Variants in COL5A2 observed in about 807,000 individuals in gnomAD.
COL5A2 encodes the protein collagen type V alpha 2 chain.
COL5A2 carries 23 observed loss-of-function variants against 208.2 expected under a neutral mutation model. The observed-to-expected ratio is 0.11, with a 90% confidence interval of 0.08 to 0.16. The LOEUF (loss-of-function observed/expected upper bound fraction) is 0.16. Ranked by LOEUF, COL5A2 falls within the 10% of genes least tolerant of loss-of-function variation. The pLI is 1.00. For missense variants in COL5A2, 1,590 were observed against 1,956.4 expected, an observed-to-expected ratio of 0.81 and a Z score of 3.53; for synonymous variants, 625 against 628.5, an observed-to-expected ratio of 0.99 and a Z score of 0.08.
the COL5A2 span, among the ~76,000 whole-genome samples, chr2:189,234,609 A>G: frequency 2.6e-5 from 4 of 151,960 alleles, no homozygotes; most frequent in Admixed American, 6.6e-5. Flanking sequence ...AAAATTCAGT[A>G]GAGGATGCCT....
At chr2:189,252,270 C>T in the COL5A2 span, among the ~76,000 whole-genome samples, 1 of 152,036 alleles carries the variant, frequency 6.6e-6, no homozygotes, top group African/African-American at 2.4e-5. Flanking sequence ...GGGTATATAC[C>T]CAAAGGATTA....
chr2:189,128,973 A>G (rs183937179), intron 1 of COL5A2, among the ~76,000 whole-genome samples: 10 of 151,958 alleles, frequency 6.6e-5, no homozygotes, highest in African/African-American at 1.7e-4. Context: ...GCTTTAATCA[A>G]TTAGGACTCT....
At chr2:189,327,071 G>A in the COL5A2 span, among the ~76,000 whole-genome samples, 11 of 131,814 alleles carry the variant, frequency 8.3e-5, no homozygotes, top group East Asian at 1.6e-3. Flanking sequence ...ATTCTGTCTC[G>A]AAATAATAAT....
the COL5A2 span, among the ~76,000 whole-genome samples, chr2:189,325,823 G>A: frequency 3.3e-5 from 5 of 152,226 alleles, no homozygotes; most frequent in East Asian, 1.9e-4. Flanking sequence ...AAGGCCAGGC[G>A]CAGTGGCTCA....
chr2:189,259,225 A>C, the COL5A2 span, among the ~76,000 whole-genome samples: 1 of 152,218 alleles, frequency 6.6e-6, no homozygotes, highest in South Asian at 2.1e-4. Context: ...TGCAAGCAAA[A>C]AATGCTTATT....
chr2:189,117,430 T>A (rs887458881), intron 1 of COL5A2, among the ~76,000 whole-genome samples: 1 of 152,176 alleles, frequency 6.6e-6, no homozygotes, highest in African/African-American at 2.4e-5. Flanking sequence ...TACAGAGCTA[T>A]GCCAAATGTG....
Position 189,052,646 on chromosome 2 carries a change from T to C in COL5A2, c.2715+103A>G, listed in dbSNP as rs184850306. On this transcript the variant is annotated intron_variant, in intron 40 of 53. Coordinates refer to ENST00000374866, the MANE Select transcript of COL5A2 (RefSeq NM_000393.5). ...TAGTACAGTTGATACAGGTAATAAT[T>C]TGTTATTTCAGTCTCAGATGAAAAT... The C allele has an allele frequency of 8.0e-4, 894 of 1,117,864 alleles. 15 individuals are homozygous for C. In the Admixed American group the frequency reaches 0.014, roughly 17 times the overall value. 69.2% of individuals were successfully genotyped at this position (1,117,864 alleles called of 1,614,324 possible).
At chr2:189,332,543 C>A in the COL5A2 span, among the ~76,000 whole-genome samples, 4 of 152,144 alleles carry the variant, frequency 2.6e-5, no homozygotes, top group Non-Finnish European at 5.9e-5. Flanking sequence ...ATGCTGTTCT[C>A]ATAATAGTGA....
the COL5A2 span, among the ~76,000 whole-genome samples, chr2:189,384,161 C>T: frequency 2.6e-5 from 4 of 152,024 alleles, no homozygotes; most frequent in South Asian, 4.1e-4. Context: ...CATCCACTGA[C>T]GGGCACTTAG....
chr2:189,240,645 C>T, the COL5A2 span, among the ~76,000 whole-genome samples: 25 of 152,288 alleles, frequency 1.6e-4, no homozygotes, highest in Middle Eastern at 3.4e-3. Context: ...AGTTTCTCTA[C>T]CCAATCAATT....
At chr2:189,088,804 C>T (rs878975722) in intron 7 of COL5A2, 32 bp from the exon 8 acceptor site, 1 of 1,532,024 alleles carries the variant, frequency 6.5e-7, no homozygotes, top group Non-Finnish European at 9.0e-7. Flanking sequence ...ATTATTTCTA[C>T]AGTAAAAGAC....
the COL5A2 span, among the ~76,000 whole-genome samples, chr2:189,402,968 G>A: frequency 6.6e-6 from 1 of 152,202 alleles, no homozygotes; most frequent in South Asian, 2.1e-4. Flanking sequence ...TCGTTTAAAG[G>A]GAATAGCACT....
At chr2:189,205,321 A>C (rs2105861614) in intron 1 of COL5A2, among the ~76,000 whole-genome samples, 1 of 152,354 alleles carries the variant, frequency 6.6e-6, no homozygotes, top group South Asian at 2.1e-4. Flanking sequence ...TCATTAGCAC[A>C]GACATTTAGT....
the COL5A2 span, chr2:189,311,151 C>G: frequency 1.4e-5 from 9 of 640,728 alleles, no homozygotes; most frequent in Middle Eastern, 4.3e-4. Flanking sequence ...GAAGTGGACC[C>G]CCAGCACTGC....
intron 38 of COL5A2, 30 bp downstream of exon 38, chr2:189,053,394 T>A (rs1350030532): frequency 6.3e-7 from 1 of 1,586,210 alleles, no homozygotes; most frequent in Non-Finnish European, 8.7e-7. Flanking sequence ...AAGTGTTTAT[T>A]TGTAAATTAG....
the COL5A2 span, among the ~76,000 whole-genome samples, chr2:189,364,651 T>A: frequency 6.6e-6 from 1 of 151,304 alleles, no homozygotes; most frequent in Admixed American, 6.6e-5. Context: ...GCCACTGCAC[T>A]CCAGCATGGG....
At chr2:189,358,131 G>T in the COL5A2 span, among the ~76,000 whole-genome samples, 1 of 151,996 alleles carries the variant, frequency 6.6e-6, no homozygotes, top group African/African-American at 2.4e-5. Context: ...CTTCTATGTC[G>T]ATCTCGCTGG....
At chr2:189,243,922 T>A in the COL5A2 span, among the ~76,000 whole-genome samples, 1 of 152,084 alleles carries the variant, frequency 6.6e-6, no homozygotes. Flanking sequence ...AAGTCTGAAA[T>A]CCAAAGGGTG....
the COL5A2 span, among the ~76,000 whole-genome samples, chr2:189,403,377 T>C: frequency 2.6e-5 from 4 of 152,254 alleles, no homozygotes; most frequent in African/African-American, 9.6e-5. Context: ...TGACTTCCTC[T>C]CTTCTTATCT....
Sources: gnomAD v4.1 joint callset for allele counts (sites outside exome capture counted in the v4.1 genomes callset) on GRCh38, gnomAD v4.1.1 for gene constraint, MANE v1.5 for transcripts, NCBI Gene and HGNC (gene_info 2026-07-23, HGNC 2026-07-21) for gene names.